Variants in TBC1D22A observed in about 807,000 individuals in gnomAD.
TBC1D22A encodes TBC1 domain family member 22A.
In TBC1D22A, 38 loss-of-function variants were observed where a neutral mutation model predicts 60.2. That is an observed-to-expected ratio of 0.63 (90% CI 0.49 to 0.83). The LOEUF is 0.83. Among genes scored for constraint, TBC1D22A ranks in the 40% least tolerant of loss-of-function variants. TBC1D22A has a pLI of 0.00. For missense variants in TBC1D22A, 628 were observed against 701.0 expected, an observed-to-expected ratio of 0.90 and a Z score of 1.18; for synonymous variants, 302 against 281.7, an observed-to-expected ratio of 1.07 and a Z score of -0.72.
At chr22:46,974,563 G>C (rs749479440) in intron 9 of TBC1D22A, among the ~76,000 whole-genome samples, 164 bp downstream of exon 9, 8 of 152,210 alleles carry the variant, frequency 5.3e-5, no homozygotes, top group Non-Finnish European at 1.2e-4. Flanking sequence ...GGTTGACGAG[G>C]GGTGAGACAC....
At chr22:47,005,627 A>G (rs2061562932) in intron 10 of TBC1D22A, among the ~76,000 whole-genome samples, 1 of 148,642 alleles carries the variant, frequency 6.7e-6, no homozygotes, top group Admixed American at 6.7e-5. Context: ...ACCCCCTACA[A>G]ACATGCCTGT....
intron 7 of TBC1D22A, among the ~76,000 whole-genome samples, chr22:46,903,053 C>T (rs1049629486): frequency 6.6e-6 from 1 of 152,232 alleles, no homozygotes; most frequent in African/African-American, 2.4e-5. Context: ...CGTCTCTGCT[C>T]TGTGATTTCT....
In TBC1D22A at chr22:46,793,627, G is replaced by C; in HGVS notation, c.246G>C (p.Leu82=). The C allele has an allele frequency of 6.2e-7, 1 of 1,613,814 alleles. No individual in the cohort carries two copies. Residue 82 remains leucine (L), a synonymous_variant, in exon 3 of 13, where the codon CTG becomes CTC. Coordinates refer to ENST00000337137, the MANE Select transcript of TBC1D22A (RefSeq NM_014346.5). ...WDAGEDDDEL[L]AMAAESLNSE... is the part of the protein sequence containing the mutation. ...CTGGGGAGGACGACGATGAGCTCCT[G>C]GCCATGGCGGCGGAGAGCCTGAACT...
chr22:46,863,506 G>T (rs1309275304), intron 4 of TBC1D22A, among the ~76,000 whole-genome samples: 1 of 152,160 alleles, frequency 6.6e-6, no homozygotes, highest in Non-Finnish European at 1.5e-5. Flanking sequence ...AGGCTGGCTG[G>T]GTTCTGACTG....
At chr22:47,129,467 C>T (rs1331970210) in intron 12 of TBC1D22A, among the ~76,000 whole-genome samples, 1 of 152,332 alleles carries the variant, frequency 6.6e-6, no homozygotes. Context: ...CAGAGTGAGA[C>T]TCCGTCTCAG....
chr22:47,074,923 G>C (rs1037567760), intron 11 of TBC1D22A, among the ~76,000 whole-genome samples: 1 of 152,152 alleles, frequency 6.6e-6, no homozygotes, highest in East Asian at 1.9e-4. Flanking sequence ...GAACAAAGGG[G>C]TGTAATAGAG....
At chr22:46,929,367 A>G (rs2071222431) in intron 8 of TBC1D22A, among the ~76,000 whole-genome samples, 2 of 152,214 alleles carry the variant, frequency 1.3e-5, no homozygotes, top group Admixed American at 1.3e-4. Flanking sequence ...CCAGAAAGAA[A>G]TGAATACGTA....
At chr22:46,847,531 C>G (rs962729254) in intron 4 of TBC1D22A, among the ~76,000 whole-genome samples, 2 of 152,256 alleles carry the variant, frequency 1.3e-5, no homozygotes, top group African/African-American at 4.8e-5. Context: ...TGCCTTTCTT[C>G]TATCCCTTCT....
chr22:47,097,409 A>T (rs111419921), intron 11 of TBC1D22A, among the ~76,000 whole-genome samples: 228 of 152,210 alleles, frequency 1.5e-3, no homozygotes, highest in Admixed American at 3.2e-3. Context: ...AGGTCAGGAG[A>T]TCGAGACCAG....
chr22:47,076,361 G>GTATATATA (rs769322904), intron 11 of TBC1D22A, among the ~76,000 whole-genome samples: 1,096 of 101,594 alleles, frequency 0.011, 9 homozygotes, highest in African/African-American at 0.026. Context: ...ATATGTGTGT[G>GTATATATA]TATATATATA....
At chr22:47,067,169 G>A (rs1375040573) in intron 11 of TBC1D22A, among the ~76,000 whole-genome samples, 2 of 152,146 alleles carry the variant, frequency 1.3e-5, no homozygotes, top group Non-Finnish European at 2.9e-5. Flanking sequence ...AGGAGGCTGA[G>A]GCACGAGAAT....
At position 47,034,643 on chromosome 22, in the gene TBC1D22A, C is replaced by T. The variant is rs576620838; in HGVS notation, c.1202-2428C>T. Among the ~76,000 whole-genome samples the T allele has an allele frequency of 4.0e-4, 61 of 152,340 alleles. 1 individual carries two copies. Among genetic ancestry groups the T allele is most frequent in the African/African-American group, 1.3e-3 (53 of 41,590 alleles). On this transcript the variant is annotated intron_variant, in intron 10 of 12. Coordinates refer to ENST00000337137, the MANE Select transcript of TBC1D22A (RefSeq NM_014346.5). ...CCCCGGCTGTCTCTGGGCCTGGCTCCTCAAACGTTTCTAGCCCAACACCTT... is the reference window on the plus strand; with the variant it reads ...CCCCGGCTGTCTCTGGGCCTGGCTCTTCAAACGTTTCTAGCCCAACACCTT...
chr22:46,771,519 A>T (rs1383492897), intron 1 of TBC1D22A, among the ~76,000 whole-genome samples: 1 of 151,760 alleles, frequency 6.6e-6, no homozygotes, highest in African/African-American at 2.4e-5. Context: ...CCCGCTTCCC[A>T]TCCTTTTCCT....
intron 12 of TBC1D22A, among the ~76,000 whole-genome samples, chr22:47,131,025 CGA>C (rs2066660324): frequency 6.6e-6 from 1 of 152,126 alleles, no homozygotes; most frequent in Admixed American, 6.5e-5. Context: ...TGTCACGTGG[CGA>C]GAGAGGGAGC....
intron 1 of TBC1D22A, among the ~76,000 whole-genome samples, chr22:46,776,624 T>C (rs1412828853): frequency 1.3e-5 from 2 of 151,896 alleles, no homozygotes; most frequent in Non-Finnish European, 2.9e-5. Context: ...GTCAAGGAAC[T>C]GGCCTGAGAT....
At position 47,175,423 on chromosome 22, in the gene TBC1D22A, C is replaced by G. The variant is rs1000938757; in HGVS notation, c.*1797C>G. 6.6e-6 allele frequency: 1 copy of G among 150,576 alleles called. No homozygotes were observed. Among genetic ancestry groups the G allele is most frequent in the Non-Finnish European group, 1.5e-5 (1 of 68,088 alleles). The allele number at this position is 150,576 out of a possible 1,614,324, so 9.3% of individuals were successfully genotyped here. A position where few individuals can be genotyped will look rare whatever the true frequency, so the allele number is the denominator to read the frequency against. On this transcript the variant is annotated 3_prime_UTR_variant, in exon 13 of 13. Coordinates refer to ENST00000337137, the MANE Select transcript of TBC1D22A (RefSeq NM_014346.5). ...CCATGTCGCTTTGCCGAGATCAGCC[C>G]TGGGAGGATCCCCTTCTCCAGCTCA... is the stretch of plus-strand genomic sequence containing the variant.
At chr22:46,862,827 T>C (rs932356339) in intron 4 of TBC1D22A, among the ~76,000 whole-genome samples, 2 of 152,038 alleles carry the variant, frequency 1.3e-5, no homozygotes, top group Non-Finnish European at 2.9e-5. Flanking sequence ...GGAGGGGGCT[T>C]CTGATTCTGG....
At chr22:47,015,278 G>A (rs563993764) in intron 10 of TBC1D22A, among the ~76,000 whole-genome samples, 2 of 152,312 alleles carry the variant, frequency 1.3e-5, no homozygotes, top group African/African-American at 4.8e-5. Flanking sequence ...GGCGCCTAGA[G>A]GAGTGCGAGA....
chr22:46,819,798 T>C (rs2085751933), intron 4 of TBC1D22A, among the ~76,000 whole-genome samples: 1 of 152,246 alleles, frequency 6.6e-6, no homozygotes, highest in Non-Finnish European at 1.5e-5. Flanking sequence ...TTTGGAATAG[T>C]TTCAGAAGGA....
Sources: gnomAD v4.1 joint callset for allele counts (sites outside exome capture counted in the v4.1 genomes callset) on GRCh38, gnomAD v4.1.1 for gene constraint, MANE v1.5 for transcripts, NCBI Gene and HGNC (gene_info 2026-07-23, HGNC 2026-07-21) for gene names.